Variants in RIMS1 observed in about 807,000 individuals in gnomAD.
The protein encoded by RIMS1 is regulating synaptic membrane exocytosis protein 1.
Under a neutral mutation model 214.1 loss-of-function variants are expected in RIMS1, and 83 were observed. That is an observed-to-expected ratio of 0.39 (90% CI 0.32 to 0.47). The LOEUF (loss-of-function observed/expected upper bound fraction) is 0.47. RIMS1 is among the 20% of genes least tolerant of loss of function. RIMS1 has a pLI of 0.99. For synonymous variants in RIMS1, 793 were observed against 786.8 expected (o/e 1.01, Z -0.13); for missense variants, 2,050 against 2,161.8 (o/e 0.95, Z 1.03).
At chr6:72,177,212 T>C (rs2047834520) in intron 4 of RIMS1, among the ~76,000 whole-genome samples, 1 of 152,184 alleles carries the variant, frequency 6.6e-6, no homozygotes, top group Non-Finnish European at 1.5e-5. Flanking sequence ...AAGTATACCT[T>C]GATATTTCTG....
At chr6:72,264,553 T>TTGTTTTAGAACATTAAAA (rs1441320382) in intron 19 of RIMS1, among the ~76,000 whole-genome samples, 1 of 152,200 alleles carries the variant, frequency 6.6e-6, no homozygotes, top group Admixed American at 6.5e-5. Flanking sequence ...ACACTTTGTT[T>TTGTTTTAGAACATTAAAA]TGTTTTAGAA....
chr6:72,065,890 A>G (rs541326914), intron 2 of RIMS1, among the ~76,000 whole-genome samples: 283 of 152,030 alleles, frequency 1.9e-3, no homozygotes, highest in African/African-American at 6.7e-3. Context: ...GAAATCATAA[A>G]TAATGTTGAG....
chr6:72,331,689 C>A (rs1354348081), intron 28 of RIMS1, among the ~76,000 whole-genome samples: 1 of 151,720 alleles, frequency 6.6e-6, no homozygotes, highest in Non-Finnish European at 1.5e-5. Flanking sequence ...CCACAGGAAA[C>A]AGTTTGGGAT....
chr6:72,092,776 G>A (rs1358085655), intron 2 of RIMS1, among the ~76,000 whole-genome samples: 1 of 152,082 alleles, frequency 6.6e-6, no homozygotes, highest in Admixed American at 6.6e-5. Context: ...AGAACATGGT[G>A]CCCTGGTGGC....
At chr6:72,370,827 G>C (rs2098193544) in intron 29 of RIMS1, among the ~76,000 whole-genome samples, 1 of 152,120 alleles carries the variant, frequency 6.6e-6, no homozygotes, top group African/African-American at 2.4e-5. Context: ...GAAGAAAAGG[G>C]AGGAAAGGAA....
intron 29 of RIMS1, among the ~76,000 whole-genome samples, chr6:72,380,475 G>A (rs1332795025): frequency 2.0e-5 from 3 of 152,150 alleles, no homozygotes. Flanking sequence ...TATTATTATA[G>A]TCAGGGTGGT....
At chr6:72,160,466 T>C (rs2045214108) in intron 4 of RIMS1, among the ~76,000 whole-genome samples, 1 of 139,806 alleles carries the variant, frequency 7.2e-6, no homozygotes, top group Admixed American at 7.4e-5. Context: ...TGTGCCAGTT[T>C]TCAAAGGGAA....
chr6:72,054,964 A>G (rs1003084154), intron 2 of RIMS1, among the ~76,000 whole-genome samples: 4 of 152,060 alleles, frequency 2.6e-5, no homozygotes, highest in African/African-American at 9.7e-5. Flanking sequence ...TTTTGTTGCA[A>G]TTGCTTTTGG....
chr6:72,066,904 C>A (rs1829438785), intron 2 of RIMS1, among the ~76,000 whole-genome samples: 1 of 152,102 alleles, frequency 6.6e-6, no homozygotes, highest in Admixed American at 6.6e-5. Context: ...ACTTCTCTTT[C>A]ATTCATACCT....
At chr6:71,970,498 GT>G (rs1445232240) in intron 2 of RIMS1, among the ~76,000 whole-genome samples, 4 of 152,092 alleles carry the variant, frequency 2.6e-5, no homozygotes, top group Non-Finnish European at 5.9e-5. Context: ...CTATTCCAAA[GT>G]TCATTTTAAA....
intron 1 of RIMS1, among the ~76,000 whole-genome samples, chr6:71,942,772 G>T (rs557972653): frequency 6.6e-6 from 1 of 152,016 alleles, no homozygotes; most frequent in South Asian, 2.1e-4. Flanking sequence ...AAAATTAGAT[G>T]CTTATAAATT....
At chr6:72,066,171 A>G (rs1035912258) in intron 2 of RIMS1, among the ~76,000 whole-genome samples, 6 of 152,238 alleles carry the variant, frequency 3.9e-5, no homozygotes, top group African/African-American at 1.4e-4. Flanking sequence ...TAAATGATTC[A>G]TTATCTTCTT....
At chr6:72,076,598 G>A (rs1157398339) in intron 2 of RIMS1, among the ~76,000 whole-genome samples, 6 of 152,070 alleles carry the variant, frequency 3.9e-5, no homozygotes, top group Non-Finnish European at 7.4e-5. Context: ...ATATTCAGTC[G>A]ATAACACTGA....
chr6:72,192,101 G>C (rs1437449449), intron 6 of RIMS1, among the ~76,000 whole-genome samples: 2 of 152,220 alleles, frequency 1.3e-5, no homozygotes, highest in African/African-American at 4.8e-5. Context: ...TATGCATTCT[G>C]TTACTGGGGA....
At chr6:72,356,707 C>T (rs776072213) in intron 29 of RIMS1, among the ~76,000 whole-genome samples, 4 of 151,908 alleles carry the variant, frequency 2.6e-5, no homozygotes, top group Non-Finnish European at 1.5e-5. Context: ...TTGCAGTGAG[C>T]CAAGATTACG....
At chr6:72,055,526 A>G (rs1825915589) in intron 2 of RIMS1, among the ~76,000 whole-genome samples, 1 of 152,192 alleles carries the variant, frequency 6.6e-6, no homozygotes, top group Non-Finnish European at 1.5e-5. Flanking sequence ...TGCTCTGGCT[A>G]GGATTTCCAG....
chr6:72,009,277 A>G (rs1265285607), intron 2 of RIMS1, among the ~76,000 whole-genome samples: 7 of 152,290 alleles, frequency 4.6e-5, no homozygotes, highest in South Asian at 4.1e-4. Flanking sequence ...TGAAACCAAC[A>G]AGAACAAAGA....
At chr6:72,007,294 A>G (rs1171907018) in intron 2 of RIMS1, among the ~76,000 whole-genome samples, 1 of 152,210 alleles carries the variant, frequency 6.6e-6, no homozygotes, top group Non-Finnish European at 1.5e-5. Context: ...TAAAAAACAG[A>G]AAGGACATCC....
chr6:72,282,975 T>C (rs1374596657), intron 23 of RIMS1, among the ~76,000 whole-genome samples: 1 of 152,010 alleles, frequency 6.6e-6, no homozygotes, highest in African/African-American at 2.4e-5. Context: ...AGATGAGCAG[T>C]CCCAGAACTC....
Sources: gnomAD v4.1 joint callset for allele counts (sites outside exome capture counted in the v4.1 genomes callset) on GRCh38, gnomAD v4.1.1 for gene constraint, MANE v1.5 for transcripts, NCBI Gene and HGNC (gene_info 2026-07-23, HGNC 2026-07-21) for gene names.